PRDM16: variants seen among roughly 807,000 people sequenced by gnomAD.
PRDM16 encodes the protein PR/SET domain 16.
PRDM16 carries 23 observed loss-of-function variants against 110.6 expected under a neutral mutation model. That is an observed-to-expected ratio of 0.21 (90% CI 0.15 to 0.29). The LOEUF (loss-of-function observed/expected upper bound fraction) is 0.29. Among genes scored for constraint, PRDM16 ranks in the 10% least tolerant of loss-of-function variants. PRDM16 has a pLI of 1.00. For synonymous variants in PRDM16, 799 were observed against 781.8 expected, an observed-to-expected ratio of 1.02 and a Z score of -0.37; for missense variants, 1,615 against 1,794.3, an observed-to-expected ratio of 0.90 and a Z score of 1.81.
chr1:3,294,553 G>T (rs532208943), intron 3 of PRDM16, among the ~76,000 whole-genome samples: 1 of 152,130 alleles, frequency 6.6e-6, no homozygotes, highest in African/African-American at 2.4e-5. Flanking sequence ...CCATTCCAGG[G>T]CCCCTGTGTG....
chr1:3,286,662 C>A (rs1466693677), intron 3 of PRDM16, among the ~76,000 whole-genome samples: 1 of 147,078 alleles, frequency 6.8e-6, no homozygotes, highest in African/African-American at 2.7e-5. Context: ...CTTCTGCACC[C>A]CCAAGTTCCT....
intron 1 of PRDM16, among the ~76,000 whole-genome samples, chr1:3,114,267 TACAC>T (rs1192319163): frequency 8.5e-6 from 1 of 117,486 alleles, no homozygotes; most frequent in Non-Finnish European, 1.8e-5. Context: ...CGCGCACACG[TACAC>T]ACACGCACAC....
intron 1 of PRDM16, among the ~76,000 whole-genome samples, chr1:3,170,017 C>T (rs1311109885): frequency 6.6e-6 from 1 of 152,212 alleles, no homozygotes; most frequent in Non-Finnish European, 1.5e-5. Flanking sequence ...AATATTGTCA[C>T]AGGGAACAAA....
At chr1:3,079,936 C>T (rs1315365734) in intron 1 of PRDM16, among the ~76,000 whole-genome samples, 1 of 152,230 alleles carries the variant, frequency 6.6e-6, no homozygotes, top group Non-Finnish European at 1.5e-5. Flanking sequence ...TTGGCTGCAC[C>T]TCGGTCCTTA....
At chr1:3,278,754 G>A (rs1204606936) in intron 3 of PRDM16, among the ~76,000 whole-genome samples, 1 of 152,174 alleles carries the variant, frequency 6.6e-6, no homozygotes, top group Admixed American at 6.5e-5. Context: ...TGTGACTGCT[G>A]GCCTCTCTGG....
At chr1:3,272,686 G>T (rs1640485896) in intron 3 of PRDM16, among the ~76,000 whole-genome samples, 1 of 152,212 alleles carries the variant, frequency 6.6e-6, no homozygotes, top group Admixed American at 6.5e-5. Flanking sequence ...AGATTCGAAA[G>T]TTCCCTATGA....
At chr1:3,408,405 T>G (rs996758130) in intron 8 of PRDM16, among the ~76,000 whole-genome samples, 14 of 152,308 alleles carry the variant, frequency 9.2e-5, no homozygotes, top group African/African-American at 2.6e-4. Flanking sequence ...GGAAGTATAA[T>G]ATCTGGGAAT....
chr1:3,153,749 T>C (rs1008825638), intron 1 of PRDM16, among the ~76,000 whole-genome samples: 1 of 152,246 alleles, frequency 6.6e-6, no homozygotes, highest in African/African-American at 2.4e-5. Flanking sequence ...ATATGCTAAG[T>C]AAACACCAGC....
intron 4 of PRDM16, among the ~76,000 whole-genome samples, chr1:3,391,925 C>A (rs1481330919): frequency 1.3e-5 from 2 of 152,250 alleles, no homozygotes; most frequent in Non-Finnish European, 2.9e-5. Context: ...GCGCTTAGGG[C>A]ATCATCACTA....
At chr1:3,132,718 T>G (rs188473634) in intron 1 of PRDM16, among the ~76,000 whole-genome samples, 3 of 152,314 alleles carry the variant, frequency 2.0e-5, no homozygotes, top group African/African-American at 7.2e-5. Flanking sequence ...GACGATTCAT[T>G]TAAAATAGAA....
rs879474795 is a variant in PRDM16, at chr1:3,180,840, GCTTACACACGCAGTCTTACGCACGGC to G, written c.38-5265_38-5240del. 9.1e-3 allele frequency among the ~76,000 whole-genome samples: 1,376 copies of G among 151,690 alleles called. 17 individuals are homozygous for G. Among genetic ancestry groups the G allele is most frequent in the Admixed American group, 0.027 (406 of 15,234 alleles). On this transcript the variant is annotated intron_variant, in intron 1 of 16. Coordinates refer to ENST00000270722, the MANE Select transcript of PRDM16 (RefSeq NM_022114.4). ...TTTCAGGTTCCCAACAGGGCCCTCTGCTTACACACGCAGTCTTACGCACGGCCTTACACACGCAGTCTTACACACGG... is the reference window on the plus strand; with the variant it reads ...TTTCAGGTTCCCAACAGGGCCCTCTGCTTACACACGCAGTCTTACACACGG...
chr1:3,385,737 C>G (rs1208083939), intron 4 of PRDM16, among the ~76,000 whole-genome samples: 1 of 152,154 alleles, frequency 6.6e-6, no homozygotes. Context: ...GAGGCAGCCA[C>G]TCGGGGGGCC....
At chr1:3,338,311 G>A (rs551046171) in intron 3 of PRDM16, among the ~76,000 whole-genome samples, 54 of 152,350 alleles carry the variant, frequency 3.5e-4, no homozygotes, top group African/African-American at 1.2e-3. Context: ...GCCCCGTGGG[G>A]AACAGATGTT....
In PRDM16 at chr1:3,186,440, G is replaced by T; in HGVS notation, c.353G>T (p.Arg118Leu). The T allele has an allele frequency of 6.4e-7, 1 of 1,555,372 alleles. No homozygotes were observed. The highest frequency in any genetic ancestry group is 8.7e-7 in the Non-Finnish European group (1 of 1,152,228). ...ERLGPCVVVP[R>L]AAAKETDFGW... ...CTGGGCCCCTGCGTGGTGGTGCCCC[G>T]GGCGGCGGCAAAGGAGACAGACTTC... is the stretch of plus-strand genomic sequence containing the variant. Residue 118 changes from arginine to leucine, a missense_variant, in exon 2 of 17, where the codon CGG (arginine) becomes CTG (leucine). Physicochemically the swap from Arg to Leu is moderately radical, Grantham distance 102. Transcript: ENST00000270722.
At position 3,435,073 on chromosome 1, in the gene PRDM16, G is replaced by A. The variant is rs569751698; in HGVS notation, c.*1262G>A. 5.3e-5 allele frequency: 12 copies of A among 227,510 alleles called. No individual in the cohort carries two copies. Among genetic ancestry groups the A allele is most frequent in the African/African-American group, 2.7e-4 (12 of 45,074 alleles). 14.1% of individuals were successfully genotyped at this position (227,510 alleles called of 1,614,324 possible). A position where few individuals can be genotyped will look rare whatever the true frequency, so the allele number is the denominator to read the frequency against. ...GGGCGTCGGGGGAACCTGCCGCAAG[G>A]AGCAGAGACAGCACAGCCCCCCGGG... On this transcript the variant is annotated 3_prime_UTR_variant, in exon 17 of 17. Coordinates refer to ENST00000270722, the MANE Select transcript of PRDM16 (RefSeq NM_022114.4).
chr1:3,150,389 C>CA (rs34595741), intron 1 of PRDM16, among the ~76,000 whole-genome samples: 9,708 of 104,400 alleles, frequency 0.093, 526 homozygotes, highest in East Asian at 0.18. Flanking sequence ...AACCCCATCT[C>CA]AAAAAAAAAA....
chr1:3,416,935 T>G (rs1056481465), intron 10 of PRDM16, among the ~76,000 whole-genome samples: 1 of 152,226 alleles, frequency 6.6e-6, no homozygotes, highest in African/African-American at 2.4e-5. Context: ...CCTTCTCCAC[T>G]GAGGTCAGCT....
At chr1:3,138,512 G>A (rs1030201722) in intron 1 of PRDM16, among the ~76,000 whole-genome samples, 4 of 152,190 alleles carry the variant, frequency 2.6e-5, no homozygotes, top group African/African-American at 4.8e-5. Flanking sequence ...TCTTCACGCC[G>A]GGGTGGCACC....
intron 3 of PRDM16, among the ~76,000 whole-genome samples, chr1:3,284,045 G>T (rs974588497): frequency 2.6e-5 from 4 of 152,090 alleles, no homozygotes; most frequent in Non-Finnish European, 4.4e-5. Context: ...TAGCGGGCCT[G>T]GGGGGGCCTG....
Sources: allele counts gnomAD v4.1 joint callset (sites outside exome capture counted in the v4.1 genomes callset), GRCh38; gene constraint gnomAD v4.1.1; transcripts MANE v1.5; gene names NCBI Gene and HGNC (gene_info 2026-07-23, HGNC 2026-07-21).